The following AFAP1 variants were observed in gnomAD, a reference collection of about 807,000 sequenced individuals.
AFAP1 encodes the protein actin filament-associated protein 1.
In AFAP1, 75 loss-of-function variants were observed where a neutral mutation model predicts 93.9. The observed-to-expected ratio is 0.80, with a 90% CI of 0.66 to 0.97. AFAP1 has a LOEUF of 0.97. Among genes scored for constraint, AFAP1 ranks in the 50% least tolerant of loss-of-function variants. The pLI is 0.00. For synonymous variants in AFAP1, 517 were observed against 430.7 expected (o/e 1.20, Z -2.48); for missense variants, 1,201 against 1,050.8 (o/e 1.14, Z -1.98).
intron 3 of AFAP1, among the ~76,000 whole-genome samples, chr4:7,863,034 G>A (rs1715916216): frequency 2.0e-5 from 3 of 152,188 alleles, no homozygotes; most frequent in South Asian, 2.1e-4. Flanking sequence ...CCTGGGGCTC[G>A]CCTTCTCAAA....
chr4:7,844,906 T>C (rs1036866906), intron 4 of AFAP1, among the ~76,000 whole-genome samples: 15 of 152,146 alleles, frequency 9.9e-5, no homozygotes, highest in South Asian at 2.1e-4. Context: ...ACCTAAATGA[T>C]AGATGAATGA....
chr4:7,766,520 G>A (rs776210238), intron 17 of AFAP1, among the ~76,000 whole-genome samples: 15 of 152,076 alleles, frequency 9.9e-5, no homozygotes, highest in Non-Finnish European at 1.9e-4. Flanking sequence ...CACTCAACTC[G>A]GAGCAGGGCA....
intron 6 of AFAP1, among the ~76,000 whole-genome samples, chr4:7,829,584 T>C (rs1721713542): frequency 6.6e-6 from 1 of 152,236 alleles, no homozygotes; most frequent in African/African-American, 2.4e-5. Context: ...GAAATACTGA[T>C]ACAACTGTAG....
chr4:7,871,652 G>A lies in AFAP1; in HGVS notation c.127+300C>T, dbSNP rs78970790. ...TACGGCTGCAGTGCGTCCTGCACAC[G>A]AGGAAGAACAACCTGATGCCAAGTC... On this transcript the variant is annotated intron_variant, in intron 2 of 17. Coordinates refer to ENST00000420658, the MANE Select transcript of AFAP1 (RefSeq NM_001134647.2). 2.0e-4 allele frequency among the ~76,000 whole-genome samples: 31 copies of A among 152,294 alleles called. 1 individual carries two copies. The East Asian group carries it at 5.2e-3, about 26-fold the overall frequency.
At chr4:7,814,939 A>G (rs1404260981) in intron 8 of AFAP1, among the ~76,000 whole-genome samples, 1 of 152,248 alleles carries the variant, frequency 6.6e-6, no homozygotes, top group Non-Finnish European at 1.5e-5. Flanking sequence ...AAAGTAAGAC[A>G]GGCTTATTTG....
intron 9 of AFAP1, among the ~76,000 whole-genome samples, chr4:7,801,352 T>C (rs76129129): frequency 6.6e-6 from 1 of 152,180 alleles, no homozygotes; most frequent in Non-Finnish European, 1.5e-5. Flanking sequence ...TTGTGATCCG[T>C]GTCTCTGGTA....
At chr4:7,819,034 T>C in intron 7 of AFAP1, 42 bp downstream of exon 7, 1 of 1,508,044 alleles carries the variant, frequency 6.6e-7, no homozygotes, top group Non-Finnish European at 9.0e-7. Flanking sequence ...CCCAATCCAC[T>C]GCAAGGTCAC....
In AFAP1 at chr4:7,845,129, G is replaced by A. The variant is rs796833510; in HGVS notation, c.335-1779C>T. Among the ~76,000 whole-genome samples, 73 of 152,318 alleles carry A rather than the reference G, an allele frequency of 4.8e-4. 1 individual carries two copies. Among genetic ancestry groups the A allele is most frequent in the African/African-American group, 1.7e-3 (71 of 41,576 alleles). ...TAAGTTGAATTTTCAACAATGAAAA[G>A]TTGTCCAGGAGGCCAGGTGTGGTGG... On this transcript the variant is annotated intron_variant, in intron 4 of 17. Coordinates refer to ENST00000420658, the MANE Select transcript of AFAP1 (RefSeq NM_001134647.2).
intron 8 of AFAP1, among the ~76,000 whole-genome samples, chr4:7,812,194 T>A (rs1349847806): frequency 2.0e-5 from 3 of 152,206 alleles, no homozygotes; most frequent in East Asian, 3.9e-4. Context: ...CGCATTCCCG[T>A]GAGCTTTACA....
rs1181240219 is a variant in AFAP1 at position 7,872,939 on chromosome 4, T to TAA, written c.-2-861_-2-860dup. On this transcript the variant is annotated intron_variant, in intron 1 of 17. Transcript: ENST00000420658. ...AGGTTTTTTTTCCTTTTTTTTTTTT[T>TAA]AAAAAAAAAAAAAAAAAAAAACTAC... 1.4e-3 allele frequency among the ~76,000 whole-genome samples: 156 copies of TAA among 109,982 alleles called. 1 individual carries two copies. Among genetic ancestry groups the TAA allele is most frequent in the South Asian group, 8.9e-3 (26 of 2,926 alleles). 72.2% of individuals were successfully genotyped at this position (109,982 alleles called of 152,430 possible).
chr4:7,884,796 A>G (rs1394638975), intron 1 of AFAP1, among the ~76,000 whole-genome samples: 1 of 152,248 alleles, frequency 6.6e-6, no homozygotes, highest in Non-Finnish European at 1.5e-5. Context: ...ATTCTGACTC[A>G]AAATCAGACG....
At chr4:7,842,668 T>TGCTC (rs1000567319) in intron 5 of AFAP1, 4 of 158,224 alleles carry the variant, frequency 2.5e-5, no homozygotes, top group African/African-American at 9.7e-5. Flanking sequence ...CTTGTCTTCC[T>TGCTC]GCTCTGCCTC....
At position 7,887,818 on chromosome 4, in the gene AFAP1, T is replaced by A. The variant is rs189549490; in HGVS notation, c.-2-15738A>T. ...AAATTGTCATACTATTTGTTTTTAT[T>A]TCATAAAGAACAATTTTTTTTTTTT... On this transcript the variant is annotated intron_variant, in intron 1 of 17. Transcript: ENST00000420658. Among the ~76,000 whole-genome samples, 10 of 145,618 alleles carry A rather than the reference T, an allele frequency of 6.9e-5. 1 individual carries two copies. Among genetic ancestry groups the A allele is most frequent in the Non-Finnish European group, 1.4e-4 (9 of 65,038 alleles).
At chr4:7,803,067 T>C (rs1719203212) in intron 9 of AFAP1, among the ~76,000 whole-genome samples, 1 of 152,246 alleles carries the variant, frequency 6.6e-6, no homozygotes, top group African/African-American at 2.4e-5. Context: ...TAACCACTCA[T>C]GCTGAAAGCC....
intron 3 of AFAP1, chr4:7,862,429 GAAT>G (rs1715839037): frequency 6.8e-6 from 1 of 147,302 alleles, no homozygotes; most frequent in African/African-American, 2.5e-5. Context: ...GGCGGCGGGA[GAAT>G]GGGAAGTTAG....
chr4:7,779,068 G>T, intron 13 of AFAP1, 192 bp from the exon 14 acceptor site: 1 of 580,886 alleles, frequency 1.7e-6, no homozygotes, highest in Non-Finnish European at 3.0e-6. Flanking sequence ...CTGGGGAATG[G>T]CTAAGGAGGG....
At chr4:7,815,157 A>C (rs561180849) in intron 8 of AFAP1, among the ~76,000 whole-genome samples, 1 of 152,308 alleles carries the variant, frequency 6.6e-6, no homozygotes, top group Admixed American at 6.5e-5. Flanking sequence ...GCACTCACAG[A>C]AGGACACGGC....
At chr4:7,829,696 ACT>A (rs1197449762) in intron 6 of AFAP1, among the ~76,000 whole-genome samples, 1 of 152,156 alleles carries the variant, frequency 6.6e-6, no homozygotes, top group Non-Finnish European at 1.5e-5. Context: ...ACTAGCAAAA[ACT>A]CACAAGTTGG....
chr4:7,773,189 C>T, intron 15 of AFAP1, 179 bp from the exon 16 acceptor site: 1 of 969,926 alleles, frequency 1.0e-6, no homozygotes, highest in Non-Finnish European at 1.5e-6. Flanking sequence ...AGTCCTTCTC[C>T]TACCATTTCC....
Sources: allele counts gnomAD v4.1 joint callset (sites outside exome capture counted in the v4.1 genomes callset), GRCh38; gene constraint gnomAD v4.1.1; transcripts MANE v1.5; gene names NCBI Gene and HGNC (gene_info 2026-07-23, HGNC 2026-07-21).